DHRSX: variants seen among roughly 807,000 people sequenced by gnomAD.
DHRSX encodes dehydrogenase/reductase X-linked.
DHRSX carries 31 observed loss-of-function variants against 34.0 expected under a neutral mutation model. The ratio of observed to expected loss-of-function variants is 0.91; its 90% CI spans 0.69 to 1.23. The LOEUF (loss-of-function observed/expected upper bound fraction) is 1.23. Among genes scored for constraint, DHRSX ranks in the 50% most tolerant of loss-of-function variants. DHRSX has a pLI of 0.00. For synonymous variants in DHRSX, 201 were observed against 183.8 expected (o/e 1.09, Z -0.76); for missense variants, 414 against 428.1 (o/e 0.97, Z 0.29).
intron 1 of DHRSX, among the ~76,000 whole-genome samples, chrX:2,458,995 C>T (rs1353667466): frequency 6.6e-6 from 1 of 151,786 alleles, no homozygotes; most frequent in Non-Finnish European, 1.5e-5. Context: ...AAAAATTAAC[C>T]AGGTGTGGTG....
At chrX:2,360,813 G>A (rs1210909361) in intron 3 of DHRSX, among the ~76,000 whole-genome samples, 2 of 151,890 alleles carry the variant, frequency 1.3e-5, no homozygotes, top group Non-Finnish European at 2.9e-5. Flanking sequence ...TCCTCTTCCT[G>A]GAATGGCAAG....
chrX:2,342,149 C>G (rs1332672932), intron 3 of DHRSX, among the ~76,000 whole-genome samples: 5 of 152,108 alleles, frequency 3.3e-5, no homozygotes, highest in Admixed American at 6.6e-5. Flanking sequence ...TCAGTAAGAG[C>G]TTCCTCTAGT....
At chrX:2,400,759 A>G (rs1464599364) in intron 3 of DHRSX, among the ~76,000 whole-genome samples, 4 of 152,070 alleles carry the variant, frequency 2.6e-5, no homozygotes, top group Non-Finnish European at 5.9e-5. Flanking sequence ...CCTACACTTC[A>G]CTGACTCTTG....
chrX:2,424,520 C>T (rs761662247), intron 2 of DHRSX, among the ~76,000 whole-genome samples: 134 of 152,214 alleles, frequency 8.8e-4, no homozygotes, highest in African/African-American at 3.1e-3. Context: ...TGATATTGAA[C>T]TTCCAGCCTC....
chrX:2,248,150 T>A (rs996981590), intron 5 of DHRSX, among the ~76,000 whole-genome samples: 8 of 151,614 alleles, frequency 5.3e-5, no homozygotes, highest in African/African-American at 9.7e-5. Context: ...ATACAAACAT[T>A]AGGCCGGGCA....
rs185439990 is a variant in DHRSX at position 2,407,119 on chromosome X, A to G, written c.286+1626T>C. The stretch of plus-strand genomic sequence containing the variant: ...AGGAAATCCTATCTCCTGCAGCAAC[A>G]CAGATGGAACTGGAGGCCATTACCC... On this transcript the variant is annotated intron_variant, in intron 3 of 6. Transcript: ENST00000334651. Among the ~76,000 whole-genome samples, 248 of 152,324 alleles carry G rather than the reference A, an allele frequency of 1.6e-3. 5 individuals carry two copies. Among genetic ancestry groups the G allele is most frequent in the Non-Finnish European group, 2.9e-5 (2 of 68,034 alleles).
At chrX:2,482,129 C>CTTTT (rs1356975147) in intron 1 of DHRSX, among the ~76,000 whole-genome samples, 26 of 129,820 alleles carry the variant, frequency 2.0e-4, no homozygotes, top group African/African-American at 3.9e-4. Flanking sequence ...CCACGTCTGG[C>CTTTT]TTTTTTTTTT....
chrX:2,445,051 G>A (rs2044112042), intron 1 of DHRSX, among the ~76,000 whole-genome samples: 1 of 151,994 alleles, frequency 6.6e-6, no homozygotes, highest in East Asian at 1.9e-4. Flanking sequence ...CAGCTACTCA[G>A]GAGGCTGAGG....
At chrX:2,393,606 C>T (rs1216787952) in intron 3 of DHRSX, among the ~76,000 whole-genome samples, 1 of 98,562 alleles carries the variant, frequency 1.0e-5, no homozygotes, top group African/African-American at 5.1e-5. Context: ...ACACACGACA[C>T]ACAGGGACCT....
Position 2,260,226 on chromosome X carries a change from C to T in DHRSX, c.596+6514G>A, listed in dbSNP as rs370874361. On this transcript the variant is annotated intron_variant, in intron 5 of 6. Coordinates refer to ENST00000334651, the MANE Select transcript of DHRSX (RefSeq NM_145177.3). ...GCCCTTCTTATATGTAGAGTGGGGT[C>T]GGAATAGTTAATATTATGTGTTAAC... 1.3e-3 allele frequency among the ~76,000 whole-genome samples: 201 copies of T among 151,688 alleles called. 1 individual carries two copies. The highest frequency in any genetic ancestry group is 4.5e-3 in the African/African-American group (188 of 41,352).
At chrX:2,494,350 C>A (rs1449753125) in intron 1 of DHRSX, among the ~76,000 whole-genome samples, 2 of 151,686 alleles carry the variant, frequency 1.3e-5, no homozygotes, top group Non-Finnish European at 2.9e-5. Flanking sequence ...TATTATTAGG[C>A]TGAAAGAGGT....
intron 3 of DHRSX, among the ~76,000 whole-genome samples, chrX:2,371,693 CCCT>C (rs2043074024): frequency 2.3e-5 from 2 of 87,622 alleles, no homozygotes; most frequent in Admixed American, 1.2e-4. Context: ...TTATCACCGC[CCCT>C]CCTCCTCCCA....
intron 3 of DHRSX, among the ~76,000 whole-genome samples, chrX:2,306,184 C>T (rs935913458): frequency 9.9e-5 from 15 of 151,928 alleles, no homozygotes; most frequent in Admixed American, 1.3e-4. Context: ...AGGCAACCAA[C>T]GGGCTTTGCT....
intron 1 of DHRSX, among the ~76,000 whole-genome samples, chrX:2,439,005 C>T (rs1048748178): frequency 1.3e-5 from 2 of 151,682 alleles, no homozygotes; most frequent in African/African-American, 2.4e-5. Context: ...ATTAGCCCAG[C>T]GTGGTGGCTG....
At chrX:2,488,396 A>C (rs1466561621) in intron 1 of DHRSX, 7 of 484,158 alleles carry the variant, frequency 1.4e-5, no homozygotes, top group Non-Finnish European at 2.5e-5. Context: ...GCTGGTCTCG[A>C]TCTCCTGACC....
chrX:2,488,920 C>A (rs1448545487), intron 1 of DHRSX: 2 of 1,602,694 alleles, frequency 1.2e-6, no homozygotes, highest in Admixed American at 3.4e-5. Flanking sequence ...CCTTGGGCAG[C>A]AGGGGGAAGA....
chrX:2,420,483 G>A (rs1346298992), intron 2 of DHRSX, among the ~76,000 whole-genome samples: 3 of 151,198 alleles, frequency 2.0e-5, no homozygotes, highest in African/African-American at 7.3e-5. Context: ...AGTGGCTCAC[G>A]CCTGTAATAC....
chrX:2,230,064 G>C (rs1329013076), intron 6 of DHRSX, among the ~76,000 whole-genome samples: 1 of 152,118 alleles, frequency 6.6e-6, no homozygotes, highest in Non-Finnish European at 1.5e-5. Context: ...TGTGTGCATG[G>C]GTTTGCACGT....
At chrX:2,368,845 G>A (rs1266884600) in intron 3 of DHRSX, among the ~76,000 whole-genome samples, 2 of 152,056 alleles carry the variant, frequency 1.3e-5, no homozygotes, top group Non-Finnish European at 2.9e-5. Context: ...ACAAGACTCT[G>A]TCTCAAAAAA....
Sources: allele counts gnomAD v4.1 joint callset (sites outside exome capture counted in the v4.1 genomes callset), GRCh38; gene constraint gnomAD v4.1.1; transcripts MANE v1.5; gene names NCBI Gene and HGNC (gene_info 2026-07-23, HGNC 2026-07-21).